CRAMP1: variants seen among roughly 807,000 people sequenced by gnomAD.
CRAMP1 encodes the protein cramped chromatin regulator 1, also known as protein cramped-like.
Under a neutral mutation model 115.4 loss-of-function variants are expected in CRAMP1, and 50 were observed. The observed-to-expected ratio is 0.43, with a 90% CI of 0.35 to 0.55. CRAMP1 has a LOEUF of 0.55. CRAMP1 is among the 20% of genes least tolerant of loss of function. The probability of loss-of-function intolerance (pLI) is 0.01; values close to 1 mark genes in which losing one functional copy is unlikely to be tolerated. For synonymous variants in CRAMP1, 866 were observed against 745.4 expected, an observed-to-expected ratio of 1.16 and a Z score of -2.64; for missense variants, 1,679 against 1,721.7, an observed-to-expected ratio of 0.98 and a Z score of 0.44.
At chr16:1,619,401 G>A (rs907312597) in intron 2 of CRAMP1, among the ~76,000 whole-genome samples, 4 of 152,022 alleles carry the variant, frequency 2.6e-5, no homozygotes, top group Admixed American at 1.3e-4. Flanking sequence ...GGCTGGTCTC[G>A]AACTCCTGAG....
At chr16:1,647,970 G>A (rs2036690890) in intron 6 of CRAMP1, among the ~76,000 whole-genome samples, 1 of 152,114 alleles carries the variant, frequency 6.6e-6, no homozygotes, top group Admixed American at 6.5e-5. Flanking sequence ...CGTCACCCTG[G>A]CTTTCGCACT....
In CRAMP1 at chr16:1,662,844, C is replaced by CT; in HGVS notation, c.2670+11dup. 1 of 1,612,248 alleles carries CT rather than the reference C, an allele frequency of 6.2e-7. No individual in the cohort carries two copies. On this transcript the variant is annotated intron_variant, in intron 13 of 20. Coordinates refer to ENST00000397412, the MANE Select transcript of CRAMP1 (RefSeq NM_020825.4). Reference sequence around the variant, plus strand: ...AGCCACTGGTGGTCCAGGTCAGGGTCTTCTCAAGTCTGAACGTGTGGCCTC... The same window carrying CT: ...AGCCACTGGTGGTCCAGGTCAGGGTCTTTCTCAAGTCTGAACGTGTGGCCTC...
At chr16:1,658,172 G>C (rs1015571652) in intron 10 of CRAMP1, among the ~76,000 whole-genome samples, 1 of 152,174 alleles carries the variant, frequency 6.6e-6, no homozygotes, top group African/African-American at 2.4e-5. Context: ...AGATTTGCCT[G>C]GGGAGCATCA....
intron 6 of CRAMP1, 95 bp downstream of exon 6, chr16:1,641,282 T>A (rs1196205059): frequency 4.3e-6 from 4 of 922,136 alleles, no homozygotes; most frequent in Admixed American, 1.9e-5. Context: ...GTGAGGACCT[T>A]CCGAGTTAAA....
intron 5 of CRAMP1, among the ~76,000 whole-genome samples, chr16:1,640,348 C>G (rs1443736545): frequency 1.3e-5 from 2 of 152,190 alleles, no homozygotes; most frequent in Non-Finnish European, 2.9e-5. Flanking sequence ...CTGTGCTGCT[C>G]TGATGAGAGG....
At chr16:1,622,324 G>A (rs1383036089) in intron 2 of CRAMP1, among the ~76,000 whole-genome samples, 2 of 152,190 alleles carry the variant, frequency 1.3e-5, no homozygotes, top group South Asian at 2.1e-4. Flanking sequence ...ACCAGCCTGA[G>A]CAACATGGTG....
intron 4 of CRAMP1, among the ~76,000 whole-genome samples, chr16:1,635,756 C>A (rs1408799994): frequency 6.6e-6 from 1 of 152,210 alleles, no homozygotes; most frequent in Non-Finnish European, 1.5e-5. Context: ...GGTTATGCAG[C>A]CATTGCCACT....
intron 2 of CRAMP1, 140 bp from the exon 3 acceptor site, chr16:1,625,833 G>A (rs1021363757): frequency 1.4e-5 from 11 of 784,590 alleles, no homozygotes; most frequent in Non-Finnish European, 2.2e-5. Context: ...TGGGTCCTGG[G>A]TGCTGCCTGC....
At chr16:1,673,603 C>A (rs1183963319) in intron 20 of CRAMP1, among the ~76,000 whole-genome samples, 1 of 152,210 alleles carries the variant, frequency 6.6e-6, no homozygotes, top group African/African-American at 2.4e-5. Context: ...TGGGTGTCTT[C>A]CCCCATAGGT....
intron 3 of CRAMP1, among the ~76,000 whole-genome samples, chr16:1,626,670 A>G (rs2036510787): frequency 6.6e-6 from 1 of 152,034 alleles, no homozygotes; most frequent in East Asian, 1.9e-4. Flanking sequence ...CCGCCCAGTG[A>G]ATGCCCGTGC....
chr16:1,625,697 T>G (rs2036502401), intron 2 of CRAMP1: 1 of 332,122 alleles, frequency 3.0e-6, no homozygotes, highest in Non-Finnish European at 5.6e-6. Context: ...CGTCTTAGGC[T>G]GCAGCGTCAT....
chr16:1,637,165 G>A (rs1410057177), intron 4 of CRAMP1, among the ~76,000 whole-genome samples: 1 of 152,166 alleles, frequency 6.6e-6, no homozygotes, highest in Non-Finnish European at 1.5e-5. Context: ...ATAATGGTGT[G>A]CACCTGTAAT....
chr16:1,659,787 C>A, intron 10 of CRAMP1, 99 bp from the exon 11 acceptor site: 1 of 1,176,728 alleles, frequency 8.5e-7, no homozygotes, highest in Non-Finnish European at 1.3e-6. Flanking sequence ...ACTGTGCTTT[C>A]TGAGCTCGAT....
intron 18 of CRAMP1, among the ~76,000 whole-genome samples, chr16:1,668,576 G>A (rs188683733): frequency 2.0e-5 from 3 of 152,342 alleles, no homozygotes; most frequent in Non-Finnish European, 4.4e-5. Context: ...TGCTGTCTGG[G>A]ACAAAGCTCC....
At chr16:1,630,361 A>G (rs2036539744) in intron 3 of CRAMP1, among the ~76,000 whole-genome samples, 1 of 152,120 alleles carries the variant, frequency 6.6e-6, no homozygotes. Context: ...TATGTTGCTC[A>G]AACTGGTCTC....
At position 1,614,903 on chromosome 16, in the gene CRAMP1, G is replaced by A. The variant is rs1367290455; in HGVS notation, c.264G>A (p.Arg88=). The part of the protein sequence containing the change: ...DQHHFLRSSV[R]PQSKRPRKDP... ...ACCACTTCCTCCGGTCCAGCGTGCGGCCGCAGAGCAAGAGGCCCAGGAAGG... is the reference window on the plus strand; with the variant it reads ...ACCACTTCCTCCGGTCCAGCGTGCGACCGCAGAGCAAGAGGCCCAGGAAGG... The change falls in exon 2 of 21, where the codon CGG becomes CGA. Residue 88 remains arginine (R), a synonymous_variant. Transcript: ENST00000397412. The surrounding 1 kb of genome is among the most constrained non-coding windows in gnomAD (Gnocchi z 4.4). The A allele has an allele frequency of 2.3e-6, 3 of 1,323,598 alleles. No homozygotes were observed. Among genetic ancestry groups the A allele is most frequent in the Middle Eastern group, 2.0e-4 (1 of 4,918 alleles). 82.0% of individuals were successfully genotyped at this position (1,323,598 alleles called of 1,614,324 possible).
chr16:1,642,726 T>G (rs1401762339), intron 6 of CRAMP1, among the ~76,000 whole-genome samples: 1 of 152,210 alleles, frequency 6.6e-6, no homozygotes, highest in Non-Finnish European at 1.5e-5. Flanking sequence ...GGCTGTCCCA[T>G]GAGGGAAAAC....
intron 6 of CRAMP1, among the ~76,000 whole-genome samples, chr16:1,651,698 A>G (rs1204083934): frequency 6.9e-6 from 1 of 144,892 alleles, no homozygotes; most frequent in African/African-American, 2.6e-5. Context: ...GGAGAGGTGG[A>G]CTGAGGTCAC....
intron 13 of CRAMP1, 60 bp from the exon 14 acceptor site, chr16:1,664,996 TG>T: frequency 8.7e-7 from 1 of 1,151,422 alleles, no homozygotes; most frequent in Non-Finnish European, 1.3e-6. Context: ...CCTTTGTAAC[TG>T]GGAGTGATTT....
Sources: allele counts gnomAD v4.1 joint callset (sites outside exome capture counted in the v4.1 genomes callset), GRCh38; gene constraint gnomAD v4.1.1; non-coding constraint Gnocchi (gnomAD v3.1); transcripts MANE v1.5; gene names NCBI Gene and HGNC (gene_info 2026-07-23, HGNC 2026-07-21).